The following ACSM2B variants were observed in gnomAD, a reference collection of about 807,000 sequenced individuals.
ACSM2B encodes the protein acyl-coenzyme A synthetase ACSM2B, mitochondrial.
Under a neutral mutation model 78.6 loss-of-function variants are expected in ACSM2B, and 58 were observed. The ratio of observed to expected loss-of-function variants is 0.74; its 90% confidence interval spans 0.60 to 0.92. ACSM2B has a LOEUF of 0.92. Among genes scored for constraint, ACSM2B ranks in the 40% least tolerant of loss-of-function variants. The pLI, the probability that ACSM2B is intolerant of heterozygous loss-of-function variation, is 0.00. For synonymous variants in ACSM2B, 257 were observed against 256.8 expected (o/e 1.00, Z -0.01); for missense variants, 688 against 711.2 (o/e 0.97, Z 0.37).
chr16:20,571,421 T>C (rs992659429), intron 1 of ACSM2B, among the ~76,000 whole-genome samples: 56 of 152,178 alleles, frequency 3.7e-4, no homozygotes, highest in African/African-American at 4.8e-4. Context: ...TATTCCAAGG[T>C]GGTCTGAGAG....
At chr16:20,545,321 G>T (rs2015105748) in intron 9 of ACSM2B, 63 bp from the exon 10 acceptor site, 8 of 1,562,168 alleles carry the variant, frequency 5.1e-6, no homozygotes, top group African/African-American at 4.1e-5. Context: ...AATGGCAGCA[G>T]GAGATTGCTG....
intron 2 of ACSM2B, among the ~76,000 whole-genome samples, chr16:20,562,245 C>A (rs377431612): frequency 2.0e-5 from 3 of 152,070 alleles, no homozygotes; most frequent in Non-Finnish European, 4.4e-5. Flanking sequence ...TCATGATGCA[C>A]AAGGGTTCTA....
intron 1 of ACSM2B, among the ~76,000 whole-genome samples, chr16:20,572,977 T>TC (rs1189438916): frequency 7.0e-6 from 1 of 142,778 alleles, no homozygotes; most frequent in African/African-American, 2.8e-5. Context: ...AACTTGTATT[T>TC]TTTTTTTTTT....
At chr16:20,572,044 A>G (rs951548758) in intron 1 of ACSM2B, among the ~76,000 whole-genome samples, 1 of 149,898 alleles carries the variant, frequency 6.7e-6, no homozygotes, top group African/African-American at 2.4e-5. Context: ...TATCTTTTAA[A>G]TGGAGTACTT....
At chr16:20,552,534 G>T (rs1475697457) in intron 5 of ACSM2B, among the ~76,000 whole-genome samples, 1 of 152,110 alleles carries the variant, frequency 6.6e-6, no homozygotes, top group African/African-American at 2.4e-5. Context: ...CAGTTGACAT[G>T]ACTTAATATA....
At chr16:20,543,088 A>C in intron 11 of ACSM2B, 47 bp downstream of exon 11, 1 of 1,613,482 alleles carries the variant, frequency 6.2e-7, no homozygotes, top group Non-Finnish European at 8.5e-7. Context: ...GGAACCAGCC[A>C]GAGTAAAGAC....
intron 1 of ACSM2B, among the ~76,000 whole-genome samples, chr16:20,566,137 AT>A (rs1338071284): frequency 2.8e-5 from 4 of 144,908 alleles, no homozygotes; most frequent in African/African-American, 7.5e-5. Flanking sequence ...TTTTATATAT[AT>A]TTTTGTTTAT....
intron 6 of ACSM2B, among the ~76,000 whole-genome samples, chr16:20,550,820 A>G (rs529920672): frequency 1.9e-3 from 295 of 152,278 alleles, no homozygotes; most frequent in African/African-American, 6.9e-3. Context: ...GCTACAGGAT[A>G]AAGCATAGCT....
intron 5 of ACSM2B, among the ~76,000 whole-genome samples, chr16:20,553,197 T>C (rs748124077): frequency 1.3e-5 from 2 of 152,174 alleles, no homozygotes; most frequent in Non-Finnish European, 2.9e-5. Context: ...AAAATTAACA[T>C]GGAAGGTGGG....
At chr16:20,572,906 T>A (rs1467082511) in intron 1 of ACSM2B, among the ~76,000 whole-genome samples, 1 of 151,912 alleles carries the variant, frequency 6.6e-6, no homozygotes, top group Non-Finnish European at 1.5e-5. Context: ...GTTCTTTATT[T>A]CCTAAAGTTA....
At chr16:20,549,467 T>C (rs892961750) in intron 6 of ACSM2B, 19 of 170,100 alleles carry the variant, frequency 1.1e-4, no homozygotes, top group Admixed American at 1.1e-3. Flanking sequence ...TATAACAGAC[T>C]CACTCTCCAA....
Position 20,548,176 on chromosome 16 carries a change from G to A in ACSM2B, c.984C>T (p.Phe328=). The A allele has an allele frequency of 5.6e-6, 9 of 1,614,024 alleles. No homozygotes were observed. The highest frequency in any genetic ancestry group is 5.9e-6 in the Non-Finnish European group (7 of 1,179,922). The change falls in exon 8 of 14, where the codon TTC becomes TTT. Residue 328 remains phenylalanine (F), a synonymous_variant. Transcript: ENST00000329697. The part of the protein sequence containing the change: ...LLQQDLSSYK[F]PHLQNCLAGG... ...CAGCGAGGCAGTTCTGTAGATGGGG[G>A]AACTTGTAACTGAAGAAGAGAAATA... is the stretch of plus-strand genomic sequence containing the variant.
intron 8 of ACSM2B, chr16:20,547,715 C>A: frequency 9.2e-7 from 1 of 1,089,142 alleles, no homozygotes; most frequent in Middle Eastern, 4.2e-4. Flanking sequence ...GTTTCCCCAT[C>A]ACAGAGGAAC....
chr16:20,538,472 G>C (rs941875933), intron 13 of ACSM2B, among the ~76,000 whole-genome samples: 3 of 152,188 alleles, frequency 2.0e-5, no homozygotes, highest in African/African-American at 7.2e-5. Context: ...AGGGTAGATA[G>C]AGAGTGGATG....
In ACSM2B at chr16:20,537,255, G is replaced by A. The variant is rs556085872; in HGVS notation, c.*3C>T. On this transcript the variant is annotated 3_prime_UTR_variant, in exon 14 of 14. Transcript: ENST00000329697. ...GAATCCAAATGAATGTCTCCTAGACGCCTCACTGCGCACGGGCTTTTCCGG... is the reference window on the plus strand; with the variant it reads ...GAATCCAAATGAATGTCTCCTAGACACCTCACTGCGCACGGGCTTTTCCGG... The A allele has an allele frequency of 7.2e-5, 117 of 1,613,834 alleles. 1 individual carries two copies. In the South Asian group the frequency reaches 1.2e-3, roughly 16 times the overall value.
intron 5 of ACSM2B, among the ~76,000 whole-genome samples, chr16:20,552,581 C>T (rs899387145): frequency 4.6e-5 from 7 of 152,058 alleles, no homozygotes; most frequent in South Asian, 2.1e-4. Context: ...TCCAAAACTC[C>T]GTACAGTTTC....
chr16:20,571,047 A>AT (rs1246762375), intron 1 of ACSM2B, among the ~76,000 whole-genome samples: 1 of 150,782 alleles, frequency 6.6e-6, no homozygotes, highest in Admixed American at 6.6e-5. Flanking sequence ...TATCTTTTGT[A>AT]TTTTTTTATC....
rs768303608 is a variant in ACSM2B at position 20,546,417 on chromosome 16, C to A, written c.1156G>T (p.Ala386Ser). 4.4e-6 allele frequency: 7 copies of A among 1,608,536 alleles called. No individual in the cohort carries two copies. Among genetic ancestry groups the A allele is most frequent in the Non-Finnish European group, 4.2e-6 (5 of 1,176,582 alleles). Residue 386 changes from alanine (A) to serine (S), a missense_variant, in exon 9 of 14, where the codon GCT (alanine) becomes TCT (serine). Coordinates refer to ENST00000329697, the MANE Select transcript of ACSM2B (RefSeq NM_001105069.2). ...MKIKPGYMGT[A>S]ASCYDVQVID... ...ACCTGTACATCATAACAGGAAGCAG[C>A]CGTTCCCATGTATCCTGGTTTGATT...
In ACSM2B at chr16:20,566,151, A is replaced by AAT. The variant is rs532204208; in HGVS notation, c.-8-1300_-8-1299dup. On this transcript the variant is annotated intron_variant, in intron 1 of 13. Transcript: ENST00000329697. Reference sequence around the variant, plus strand: ...TTTTTATATATATTTTTGTTTATATAATATATATATATGTAATAAACGTCA... The same window carrying AAT: ...TTTTTATATATATTTTTGTTTATATAATATATATATATATGTAATAAACGTCA... Among the ~76,000 whole-genome samples the AAT allele has an allele frequency of 4.9e-3, 705 of 142,820 alleles. 10 individuals carry two copies. Among genetic ancestry groups the AAT allele is most frequent in the South Asian group, 0.032 (148 of 4,650 alleles). 93.7% of individuals were successfully genotyped at this position (142,820 alleles called of 152,430 possible).
Sources: allele counts gnomAD v4.1 joint callset (sites outside exome capture counted in the v4.1 genomes callset), GRCh38; gene constraint gnomAD v4.1.1; transcripts MANE v1.5; gene names NCBI Gene and HGNC (gene_info 2026-07-23, HGNC 2026-07-21).